The following C19orf18 variants were observed in gnomAD, a reference collection of about 807,000 sequenced individuals.
C19orf18 encodes the protein uncharacterized protein C19orf18.
Under a neutral mutation model 23.3 loss-of-function variants are expected in C19orf18, and 21 were observed. That is an observed-to-expected ratio of 0.90 (90% CI 0.64 to 1.30). C19orf18 has a LOEUF of 1.30. C19orf18 is among the 50% of genes most tolerant of loss of function. The pLI, the probability that C19orf18 is intolerant of heterozygous loss-of-function variation, is 0.00. For missense variants in C19orf18, 249 were observed against 259.6 expected (o/e 0.96, Z 0.28); for synonymous variants, 96 against 95.2 (o/e 1.01, Z -0.05).
chr19:57,960,572 G>C (rs1449906655), intron 5 of C19orf18, among the ~76,000 whole-genome samples: 1 of 152,104 alleles, frequency 6.6e-6, no homozygotes, highest in African/African-American at 2.4e-5. Context: ...CTATTTTGTG[G>C]GTCTGGATCC....
chr19:57,972,567 G>T, intron 2 of C19orf18, 63 bp from the exon 3 acceptor site: 6 of 1,556,670 alleles, frequency 3.9e-6, no homozygotes, highest in Non-Finnish European at 5.3e-6. Context: ...ATGAACTTGG[G>T]AAAACAAGGA....
chr19:57,968,622 T>C (rs1261013877), intron 3 of C19orf18, among the ~76,000 whole-genome samples: 1 of 152,026 alleles, frequency 6.6e-6, no homozygotes, highest in African/African-American at 2.4e-5. Context: ...TAGAGAAATA[T>C]ATGAGAAAGT....
At chr19:57,973,287 CATGGA>C in intron 2 of C19orf18, among the ~76,000 whole-genome samples, 1 of 150,720 alleles carries the variant, frequency 6.6e-6, no homozygotes, top group Non-Finnish European at 1.5e-5. Context: ...ATTTCCCTTG[CATGGA>C]ATGGAGATTA....
Position 57,966,539 on chromosome 19 carries a change from T to C in C19orf18, c.362A>G (p.Tyr121Cys), listed in dbSNP as rs138842416. The C allele has an allele frequency of 2.6e-5, 41 of 1,596,618 alleles. No homozygotes were observed. The African/African-American group carries it at 5.0e-4, about 19-fold the overall frequency. ...IALICGMAISYMIYRLAQAEE... is the reference protein window; with the variant it reads ...IALICGMAISCMIYRLAQAEE... ...CTTAGCAGATACTTACTATATCATA[T>C]AGGAGATTGCCATCCCACATATCAG... The change falls in exon 4 of 6, where the codon TAT becomes TGT. Residue 121 changes from tyrosine (Y) to cysteine (C), a missense_variant. Transcript: ENST00000314391.
chr19:57,965,230 G>A (rs2072900805), intron 4 of C19orf18, among the ~76,000 whole-genome samples: 1 of 152,002 alleles, frequency 6.6e-6, no homozygotes, highest in South Asian at 2.1e-4. Context: ...TGCCTCCCAG[G>A]TTCAAGCAAT....
intron 3 of C19orf18, among the ~76,000 whole-genome samples, chr19:57,968,284 T>C (rs958232268): frequency 4.6e-5 from 7 of 152,226 alleles, no homozygotes; most frequent in Non-Finnish European, 8.8e-5. Flanking sequence ...CAACTCCTAA[T>C]ATCCTCACCT....
intron 4 of C19orf18, among the ~76,000 whole-genome samples, chr19:57,963,736 A>C (rs1280802212): frequency 1.3e-5 from 2 of 151,974 alleles, no homozygotes; most frequent in Admixed American, 6.6e-5. Flanking sequence ...AAATACAAAA[A>C]AAAATTAGCC....
At chr19:57,969,278 C>T (rs747248406) in intron 3 of C19orf18, among the ~76,000 whole-genome samples, 5 of 152,118 alleles carry the variant, frequency 3.3e-5, no homozygotes, top group East Asian at 3.8e-4. Flanking sequence ...AATTGCCAGC[C>T]GGTTGCGGTG....
intron 4 of C19orf18, among the ~76,000 whole-genome samples, chr19:57,964,383 G>A (rs1290532231): frequency 6.6e-6 from 1 of 152,220 alleles, no homozygotes. Flanking sequence ...CAGGGCTCAA[G>A]CCATCCTCCC....
At chr19:57,959,837 C>T (rs1449662855) in intron 5 of C19orf18, among the ~76,000 whole-genome samples, 1 of 147,392 alleles carries the variant, frequency 6.8e-6, no homozygotes, top group Admixed American at 6.8e-5. Context: ...AGGCCAGGAG[C>T]GGTGGCTCAC....
intron 3 of C19orf18, among the ~76,000 whole-genome samples, chr19:57,967,817 G>A (rs2072918559): frequency 6.7e-6 from 1 of 149,726 alleles, no homozygotes. Context: ...AGACCAGCCT[G>A]ACCAACACGG....
At chr19:57,966,981 AG>A (rs1348464235) in intron 3 of C19orf18, among the ~76,000 whole-genome samples, 1 of 151,626 alleles carries the variant, frequency 6.6e-6, no homozygotes, top group East Asian at 2.0e-4. Context: ...CACGTTGCTC[AG>A]GCTAGGACTC....
intron 5 of C19orf18, among the ~76,000 whole-genome samples, chr19:57,960,425 C>CA (rs34335308): frequency 0.095 from 8,927 of 93,960 alleles, 411 homozygotes; most frequent in Middle Eastern, 0.13. Flanking sequence ...GACTCCGCCT[C>CA]AAAAAAAAAA....
intron 4 of C19orf18, among the ~76,000 whole-genome samples, chr19:57,963,137 C>A (rs548765732): frequency 1.3e-5 from 2 of 151,392 alleles, no homozygotes; most frequent in African/African-American, 4.8e-5. Context: ...AGTGATTCTC[C>A]TGTCTCAGCC....
chr19:57,973,820 G>T (rs11084524), intron 2 of C19orf18, among the ~76,000 whole-genome samples: 38,149 of 151,740 alleles, frequency 0.25, 5,016 homozygotes, highest in African/African-American at 0.32. Context: ...CCAAATTCAA[G>T]TCAGACAGGC....
chr19:57,961,533 C>T lies in C19orf18; in HGVS notation c.390G>A (p.Glu130=), dbSNP rs2072872160. 1 of 1,613,428 alleles carries T rather than the reference C, an allele frequency of 6.2e-7. No homozygotes were observed. Among genetic ancestry groups the T allele is most frequent in the Non-Finnish European group, 8.5e-7 (1 of 1,179,848 alleles). ...AAAGTGACTCGAGCTGTTGTCTTTCCTCAGCCTGTGCCAGTCGACTGGAGA... is the reference window on the plus strand; with the variant it reads ...AAAGTGACTCGAGCTGTTGTCTTTCTTCAGCCTGTGCCAGTCGACTGGAGA... The part of the protein sequence containing the change: ...SYMIYRLAQA[E]ERQQLESLYK... The change falls in exon 5 of 6, where the codon GAG becomes GAA. Residue 130 remains glutamate, a synonymous_variant. Transcript: ENST00000314391.
chr19:57,969,557 AAAAAAACAG>A, intron 3 of C19orf18, among the ~76,000 whole-genome samples: 1 of 132,270 alleles, frequency 7.6e-6, no homozygotes, highest in Non-Finnish European at 1.6e-5. Context: ...TCTGTCTTAA[AAAAAAACAG>A]AAAAAAAAAA....
chr19:57,969,593 A>C (rs1241032492), intron 3 of C19orf18, among the ~76,000 whole-genome samples: 8 of 148,058 alleles, frequency 5.4e-5, no homozygotes, highest in African/African-American at 2.0e-4. Context: ...AAAAAAAAAA[A>C]AAACCAAGAA....
chr19:57,965,499 G>A (rs2072901943), intron 4 of C19orf18, among the ~76,000 whole-genome samples: 1 of 152,222 alleles, frequency 6.6e-6, no homozygotes. Flanking sequence ...TTTAATCCCA[G>A]CACTGGGAGG....
Sources: gnomAD v4.1 joint callset for allele counts (sites outside exome capture counted in the v4.1 genomes callset) on GRCh38, gnomAD v4.1.1 for gene constraint, MANE v1.5 for transcripts, NCBI Gene and HGNC (gene_info 2026-07-23, HGNC 2026-07-21) for gene names.